The following PLA2G4A variants were observed in gnomAD, a reference collection of about 807,000 sequenced individuals.
The protein encoded by PLA2G4A is cytosolic phospholipase A2.
A neutral mutation model predicts 81.9 loss-of-function variants in PLA2G4A; 40 were observed. That is an observed-to-expected ratio of 0.49 (90% CI 0.38 to 0.64). The LOEUF (loss-of-function observed/expected upper bound fraction) is 0.64, where lower values mean the gene tolerates loss of function less well. Among genes scored for constraint, PLA2G4A ranks in the 30% least tolerant of loss-of-function variants. The probability of loss-of-function intolerance (pLI) is 0.00; values close to 1 mark genes in which losing one functional copy is unlikely to be tolerated. For missense variants in PLA2G4A, 715 were observed against 905.1 expected, an observed-to-expected ratio of 0.79 and a Z score of 2.69; for synonymous variants, 302 against 296.9, an observed-to-expected ratio of 1.02 and a Z score of -0.18.
chr1:186,938,225 C>A (rs556619946), intron 8 of PLA2G4A, among the ~76,000 whole-genome samples: 49 of 151,904 alleles, frequency 3.2e-4, no homozygotes, highest in Admixed American at 3.0e-3. Context: ...GATAAGTAAA[C>A]GAGTAATTAA....
chr1:186,900,224 G>A (rs1654488394), intron 5 of PLA2G4A, among the ~76,000 whole-genome samples: 1 of 152,098 alleles, frequency 6.6e-6, no homozygotes, highest in African/African-American at 2.4e-5. Context: ...ATGTGATGGT[G>A]GACATGTTAT....
intron 1 of PLA2G4A, among the ~76,000 whole-genome samples, chr1:186,842,284 T>G (rs1369475877): frequency 6.6e-6 from 1 of 151,950 alleles, no homozygotes; most frequent in African/African-American, 2.4e-5. Flanking sequence ...CTCAGACAAT[T>G]CACCTGCTTT....
intron 3 of PLA2G4A, among the ~76,000 whole-genome samples, chr1:186,882,744 A>G (rs776554240): frequency 6.6e-6 from 1 of 152,118 alleles, no homozygotes; most frequent in African/African-American, 2.4e-5. Context: ...ATAAGCAACT[A>G]AGAGATTATG....
chr1:186,927,853 T>A (rs913674825), intron 7 of PLA2G4A, among the ~76,000 whole-genome samples: 1 of 152,190 alleles, frequency 6.6e-6, no homozygotes, highest in African/African-American at 2.4e-5. Context: ...AATAAGCATT[T>A]CCATTCCTAT....
intron 3 of PLA2G4A, among the ~76,000 whole-genome samples, chr1:186,874,275 T>G (rs1653388930): frequency 6.6e-6 from 1 of 152,114 alleles, no homozygotes; most frequent in Non-Finnish European, 1.5e-5. Context: ...TTTGTGCCTG[T>G]AAGAAACAGA....
intron 2 of PLA2G4A, among the ~76,000 whole-genome samples, chr1:186,868,398 A>G (rs1201287230): frequency 2.0e-5 from 3 of 151,984 alleles, no homozygotes; most frequent in African/African-American, 7.2e-5. Context: ...TTCTTTTTCT[A>G]TGTTGTTGGA....
intron 7 of PLA2G4A, among the ~76,000 whole-genome samples, chr1:186,913,957 T>G: frequency 6.6e-6 from 1 of 152,212 alleles, no homozygotes; most frequent in Admixed American, 6.5e-5. Flanking sequence ...TGTGTTGTTA[T>G]GGGAGCAGAC....
At chr1:186,857,404 T>C (rs1351863287) in intron 2 of PLA2G4A, among the ~76,000 whole-genome samples, 1 of 128,646 alleles carries the variant, frequency 7.8e-6, no homozygotes, top group African/African-American at 3.0e-5. Flanking sequence ...ATATATAATA[T>C]ATATTATATA....
intron 7 of PLA2G4A, among the ~76,000 whole-genome samples, 165 bp downstream of exon 7, chr1:186,911,554 G>T (rs963101790): frequency 6.6e-6 from 1 of 152,080 alleles, no homozygotes; most frequent in Non-Finnish European, 1.5e-5. Context: ...TTTGAGGAAG[G>T]TCATCACAAA....
intron 5 of PLA2G4A, among the ~76,000 whole-genome samples, chr1:186,894,425 C>A (rs946061503): frequency 1.3e-5 from 2 of 152,144 alleles, no homozygotes; most frequent in Non-Finnish European, 2.9e-5. Context: ...ATACCAAACA[C>A]TACTAAGGCT....
intron 14 of PLA2G4A, among the ~76,000 whole-genome samples, chr1:186,958,480 T>C (rs920593612): frequency 1.3e-5 from 2 of 152,180 alleles, no homozygotes; most frequent in African/African-American, 4.8e-5. Flanking sequence ...TACAAATTCA[T>C]AGAGCATGTC....
intron 15 of PLA2G4A, among the ~76,000 whole-genome samples, chr1:186,973,322 T>C (rs1159584304): frequency 6.6e-6 from 1 of 152,182 alleles, no homozygotes; most frequent in Non-Finnish European, 1.5e-5. Context: ...TGCCTTCATT[T>C]TTGTATGGCC....
chr1:186,952,399 A>G (rs1464169261), intron 13 of PLA2G4A, among the ~76,000 whole-genome samples: 1 of 151,998 alleles, frequency 6.6e-6, no homozygotes, highest in Non-Finnish European at 1.5e-5. Context: ...TTTCTCTTTT[A>G]CATAGAGTTT....
intron 15 of PLA2G4A, among the ~76,000 whole-genome samples, chr1:186,974,453 C>T (rs1657461545): frequency 6.6e-6 from 1 of 152,122 alleles, no homozygotes; most frequent in South Asian, 2.1e-4. Context: ...CAAGATCAGG[C>T]CACAGCACTC....
At chr1:186,853,149 C>A (rs762307676) in intron 1 of PLA2G4A, among the ~76,000 whole-genome samples, 1 of 151,672 alleles carries the variant, frequency 6.6e-6, no homozygotes, top group Non-Finnish European at 1.5e-5. Context: ...AAATAGAGAA[C>A]TATGGGTGAT....
intron 6 of PLA2G4A, 73 bp downstream of exon 6, chr1:186,907,075 T>A: frequency 1.2e-6 from 1 of 808,998 alleles, no homozygotes; most frequent in Non-Finnish European, 2.1e-6. Context: ...GTTAAAGAAT[T>A]TTTTTATATA....
At chr1:186,854,219 A>C in intron 1 of PLA2G4A, 67 bp from the exon 2 acceptor site, 1 of 659,958 alleles carries the variant, frequency 1.5e-6, no homozygotes, top group Non-Finnish European at 2.7e-6. Flanking sequence ...ACGCATACTC[A>C]TAATTGTTTA....
intron 17 of PLA2G4A, among the ~76,000 whole-genome samples, chr1:186,986,310 C>CT (rs1281477659): frequency 1.3e-5 from 2 of 151,974 alleles, no homozygotes; most frequent in Non-Finnish European, 2.9e-5. Context: ...TTTGTATGGT[C>CT]TTTTTTATTT....
At chr1:186,858,657 A>G (rs1571340494) in intron 2 of PLA2G4A, among the ~76,000 whole-genome samples, 1 of 152,048 alleles carries the variant, frequency 6.6e-6, no homozygotes, top group East Asian at 1.9e-4. Context: ...TTTCTTGAAA[A>G]TTTTGTTAAC....
Sources: gnomAD v4.1 joint callset for allele counts (sites outside exome capture counted in the v4.1 genomes callset) on GRCh38, gnomAD v4.1.1 for gene constraint, MANE v1.5 for transcripts, NCBI Gene and HGNC (gene_info 2026-07-23, HGNC 2026-07-21) for gene names.